The following FOXP1 variants were observed in gnomAD, a reference collection of about 807,000 sequenced individuals.
The protein encoded by FOXP1 is forkhead box P1.
A neutral mutation model predicts 98.2 loss-of-function variants in FOXP1; 15 were observed. The observed-to-expected ratio is 0.15, with a 90% confidence interval of 0.10 to 0.24. The LOEUF is 0.24. Among genes scored for constraint, FOXP1 ranks in the 10% least tolerant of loss-of-function variants. The probability of loss-of-function intolerance (pLI) is 1.00; values close to 1 mark genes in which losing one functional copy is unlikely to be tolerated. For missense variants in FOXP1, 633 were observed against 848.5 expected, an observed-to-expected ratio of 0.75 and a Z score of 3.15; for synonymous variants, 371 against 314.5, an observed-to-expected ratio of 1.18 and a Z score of -1.90.
intron 7 of FOXP1, among the ~76,000 whole-genome samples, chr3:71,096,940 G>A (rs1308938497): frequency 1.3e-5 from 2 of 152,104 alleles, no homozygotes; most frequent in Non-Finnish European, 2.9e-5. Context: ...CTAACACAAT[G>A]AAAAGGAAGG....
chr3:71,271,604 A>G (rs536653683), intron 5 of FOXP1, among the ~76,000 whole-genome samples: 1 of 152,318 alleles, frequency 6.6e-6, no homozygotes, highest in Admixed American at 6.5e-5. Context: ...TTCCTTTGAT[A>G]AAAGAACCAC....
chr3:71,549,738 G>GGAACAAAAC (rs1343723218), intron 2 of FOXP1, among the ~76,000 whole-genome samples: 1 of 151,740 alleles, frequency 6.6e-6, no homozygotes, highest in African/African-American at 2.4e-5. Context: ...AGATATAATG[G>GGAACAAAAC]GAACAAAACT....
intron 3 of FOXP1, among the ~76,000 whole-genome samples, chr3:71,479,020 A>G (rs1230583208): frequency 6.6e-6 from 1 of 152,208 alleles, no homozygotes; most frequent in Non-Finnish European, 1.5e-5. Flanking sequence ...TGAGAATAGC[A>G]GTATCTTTAA....
intron 7 of FOXP1, among the ~76,000 whole-genome samples, chr3:71,071,851 C>T (rs1271336860): frequency 6.6e-6 from 1 of 152,196 alleles, no homozygotes; most frequent in Non-Finnish European, 1.5e-5. Context: ...GCTGGGATTA[C>T]AGGCGTGAGC....
At chr3:71,188,814 T>C (rs1309113714) in intron 6 of FOXP1, among the ~76,000 whole-genome samples, 1 of 152,218 alleles carries the variant, frequency 6.6e-6, no homozygotes. Context: ...TGCTGAAGAT[T>C]AATATGTGTT....
chr3:71,241,252 T>C (rs1296987346), intron 5 of FOXP1, among the ~76,000 whole-genome samples: 1 of 149,062 alleles, frequency 6.7e-6, no homozygotes, highest in African/African-American at 2.5e-5. Flanking sequence ...AAAAAAAAAC[T>C]TTTACCTCCA....
intron 3 of FOXP1, among the ~76,000 whole-genome samples, chr3:71,375,963 A>T (rs2079683169): frequency 6.6e-6 from 1 of 152,174 alleles, no homozygotes; most frequent in Non-Finnish European, 1.5e-5. Flanking sequence ...ATAAAGGAAC[A>T]TGATTTGGGG....
intron 18 of FOXP1, chr3:70,971,107 A>C (rs2036138414): frequency 2.6e-6 from 1 of 387,372 alleles, no homozygotes; most frequent in Non-Finnish European, 4.9e-6. Flanking sequence ...GCCTGACTCC[A>C]GACTCCAACA....
At chr3:70,962,004 C>G (rs567660934) in intron 20 of FOXP1, among the ~76,000 whole-genome samples, 2 of 152,190 alleles carry the variant, frequency 1.3e-5, no homozygotes, top group African/African-American at 4.8e-5. Context: ...TGCTAAAATA[C>G]CCTACATTCT....
chr3:71,049,255 TA>T (rs2049491366), intron 9 of FOXP1, among the ~76,000 whole-genome samples: 1 of 152,132 alleles, frequency 6.6e-6, no homozygotes, highest in Non-Finnish European at 1.5e-5. Context: ...CTGCCTAACA[TA>T]AACTGTCATA....
chr3:71,552,649 CATATT>C (rs1477172025), intron 2 of FOXP1, among the ~76,000 whole-genome samples: 1 of 151,726 alleles, frequency 6.6e-6, no homozygotes, highest in African/African-American at 2.4e-5. Flanking sequence ...TGATATTAAA[CATATT>C]ATAAAGTACA....
At chr3:71,500,047 C>T (rs930878834) in intron 2 of FOXP1, among the ~76,000 whole-genome samples, 5 of 152,234 alleles carry the variant, frequency 3.3e-5, no homozygotes, top group African/African-American at 9.6e-5. Flanking sequence ...TGGGTCACTA[C>T]ACCAACCTCC....
At chr3:71,181,896 A>G (rs1024302186) in intron 6 of FOXP1, among the ~76,000 whole-genome samples, 2 of 151,872 alleles carry the variant, frequency 1.3e-5, no homozygotes, top group African/African-American at 2.4e-5. Flanking sequence ...TTAGCCAGGC[A>G]TGGTGGTGGG....
In FOXP1 at chr3:70,957,533, G is replaced by A. The variant is rs977904952; in HGVS notation, c.*1714C>T. The A allele has an allele frequency of 4.3e-6, 1 of 231,028 alleles. No individual in the cohort carries two copies. Among genetic ancestry groups the A allele is most frequent in the African/African-American group, 2.2e-5 (1 of 45,152 alleles). 14.3% of individuals were successfully genotyped at this position (231,028 alleles called of 1,614,324 possible). On this transcript the variant is annotated 3_prime_UTR_variant, in exon 21 of 21. Coordinates refer to ENST00000649528, the MANE Select transcript of FOXP1 (RefSeq NM_001349338.3). Reference sequence around the variant, plus strand: ...TATCTTTGGTAATTTTAGAAAAAAGGTACAAAGAAAGAATATAAATTAAGC... The same window carrying A: ...TATCTTTGGTAATTTTAGAAAAAAGATACAAAGAAAGAATATAAATTAAGC...
chr3:71,308,450 T>C (rs2074433464), intron 4 of FOXP1, among the ~76,000 whole-genome samples: 1 of 152,158 alleles, frequency 6.6e-6, no homozygotes, highest in South Asian at 2.1e-4. Flanking sequence ...ATAGACCTAC[T>C]AAAACATTTC....
At chr3:71,070,727 G>C (rs1011074107) in intron 7 of FOXP1, among the ~76,000 whole-genome samples, 1 of 152,136 alleles carries the variant, frequency 6.6e-6, no homozygotes, top group African/African-American at 2.4e-5. Flanking sequence ...CTGCAGCAGC[G>C]TGCTGGGGTT....
At chr3:71,462,702 T>G (rs2088262586) in intron 3 of FOXP1, among the ~76,000 whole-genome samples, 2 of 152,186 alleles carry the variant, frequency 1.3e-5, no homozygotes, top group South Asian at 4.1e-4. Context: ...TCAGAAGAAA[T>G]TCCGTGTAAC....
intron 5 of FOXP1, among the ~76,000 whole-genome samples, chr3:71,285,926 TAAG>T (rs1438624601): frequency 1.3e-5 from 2 of 152,196 alleles, no homozygotes; most frequent in African/African-American, 4.8e-5. Flanking sequence ...TCTATAAACC[TAAG>T]AATAAAGTCA....
chr3:71,392,544 T>C (rs1159005097), intron 3 of FOXP1, among the ~76,000 whole-genome samples: 1 of 152,240 alleles, frequency 6.6e-6, no homozygotes, highest in Non-Finnish European at 1.5e-5. Flanking sequence ...ACTTGCATAT[T>C]TCTCCATGGT....
Sources: gnomAD v4.1 joint callset for allele counts (sites outside exome capture counted in the v4.1 genomes callset) on GRCh38, gnomAD v4.1.1 for gene constraint, MANE v1.5 for transcripts, NCBI Gene and HGNC (gene_info 2026-07-23, HGNC 2026-07-21) for gene names.